NDUFAF6: variants seen among roughly 807,000 people sequenced by gnomAD.
NDUFAF6 encodes NADH dehydrogenase (ubiquinone) complex I, assembly factor 6.
Under a neutral mutation model 40.8 loss-of-function variants are expected in NDUFAF6, and 45 were observed. The observed-to-expected ratio is 1.10, with a 90% CI of 0.87 to 1.42. The LOEUF is 1.42. NDUFAF6 is among the 40% of genes most tolerant of loss of function. The pLI, the probability that NDUFAF6 is intolerant of heterozygous loss-of-function variation, is 0.00. For missense variants in NDUFAF6, 435 were observed against 418.5 expected (o/e 1.04, Z -0.34); for synonymous variants, 185 against 155.9 (o/e 1.19, Z -1.39).
chr8:94,939,061 A>C (rs775858888), intron 1 of NDUFAF6, among the ~76,000 whole-genome samples: 2 of 152,036 alleles, frequency 1.3e-5, no homozygotes, highest in East Asian at 1.9e-4. Flanking sequence ...TGTGGAAAAA[A>C]CCCACACATC....
intron 2 of NDUFAF6, among the ~76,000 whole-genome samples, chr8:95,082,848 G>T (rs1268946614): frequency 1.3e-5 from 2 of 152,122 alleles, no homozygotes; most frequent in African/African-American, 4.8e-5. Context: ...TTTTAGTAGA[G>T]ACGGGGTTTC....
At chr8:94,966,587 T>G (rs1563754964) in intron 1 of NDUFAF6, among the ~76,000 whole-genome samples, 1 of 152,096 alleles carries the variant, frequency 6.6e-6, no homozygotes, top group Non-Finnish European at 1.5e-5. Flanking sequence ...GAGTGAGACC[T>G]TGTCTCTAAA....
upstream of NDUFAF6, among the ~76,000 whole-genome samples, chr8:95,099,590 A>G (rs945204938): frequency 2.0e-5 from 3 of 152,120 alleles, no homozygotes; most frequent in Admixed American, 2.0e-4. Flanking sequence ...AAAATTAAAA[A>G]AAAAGAAAAA....
At chr8:94,930,268 A>T in intron 1 of NDUFAF6, 1 of 594,610 alleles carries the variant, frequency 1.7e-6, no homozygotes, top group African/African-American at 1.9e-5. Flanking sequence ...AATCTGAAAA[A>T]GTGTACAAAA....
chr8:95,090,374 G>A (rs1809207892), intron 2 of NDUFAF6, among the ~76,000 whole-genome samples: 1 of 152,124 alleles, frequency 6.6e-6, no homozygotes, highest in African/African-American at 2.4e-5. Context: ...TTTAGTTCAT[G>A]GCCTGAGCTC....
intron 9 of NDUFAF6, among the ~76,000 whole-genome samples, chr8:95,065,665 C>T (rs1832685546): frequency 6.6e-6 from 1 of 152,070 alleles, no homozygotes; most frequent in South Asian, 2.1e-4. Context: ...TCTACCTTTC[C>T]TTTAATAACC....
At chr8:95,105,736 C>T (rs530380398), downstream of NDUFAF6, among the ~76,000 whole-genome samples, 9 of 152,132 alleles carry the variant, frequency 5.9e-5, no homozygotes, top group East Asian at 7.8e-4. Flanking sequence ...CTCCTGATCA[C>T]GTGATCTGCC....
At chr8:94,962,852 G>A (rs7835379) in intron 1 of NDUFAF6, among the ~76,000 whole-genome samples, 98,102 of 150,270 alleles carry the variant, frequency 0.65, 32,811 homozygotes, top group East Asian at 0.79. Flanking sequence ...ATGCAGTGAC[G>A]TGATCTCAGC....
chr8:95,083,866 A>G (rs894315829), intron 2 of NDUFAF6, among the ~76,000 whole-genome samples: 1 of 152,242 alleles, frequency 6.6e-6, no homozygotes, highest in African/African-American at 2.4e-5. Context: ...ACCTACATTC[A>G]TAAATAAAGA....
intron 2 of NDUFAF6, among the ~76,000 whole-genome samples, chr8:94,984,821 G>A (rs1041593719): frequency 6.6e-6 from 1 of 152,188 alleles, no homozygotes; most frequent in Non-Finnish European, 1.5e-5. Context: ...ACATTACAGT[G>A]TTTGTGATGG....
intron 2 of NDUFAF6, among the ~76,000 whole-genome samples, chr8:95,032,520 C>G (rs1828977206): frequency 6.6e-6 from 1 of 152,148 alleles, no homozygotes; most frequent in African/African-American, 2.4e-5. Flanking sequence ...TTGTAGCAAA[C>G]CAGGACCTTA....
chr8:95,035,628 A>G lies in NDUFAF6; in HGVS notation c.420+52A>G, dbSNP rs746666463. 3.9e-6 allele frequency: 6 copies of G among 1,545,868 alleles called. No individual in the cohort carries two copies. The Admixed American group carries it at 5.2e-5, about 13-fold the overall frequency. On this transcript the variant is annotated intron_variant, in intron 3 of 8. Transcript: ENST00000396124. ...ATTTGTATGAATATTATTCGAGTCTACTTTTTGATGGATATAATTTGGGTA... is the reference window on the plus strand; with the variant it reads ...ATTTGTATGAATATTATTCGAGTCTGCTTTTTGATGGATATAATTTGGGTA...
At chr8:95,045,198 G>A (rs1314530918) in intron 4 of NDUFAF6, among the ~76,000 whole-genome samples, 1 of 152,128 alleles carries the variant, frequency 6.6e-6, no homozygotes, top group African/African-American at 2.4e-5. Context: ...TTTGGGTTAA[G>A]AAGATAATGT....
At chr8:94,905,164 C>T (rs1409293694) in intron 1 of NDUFAF6, among the ~76,000 whole-genome samples, 1 of 152,110 alleles carries the variant, frequency 6.6e-6, no homozygotes, top group Non-Finnish European at 1.5e-5. Flanking sequence ...TGCGGCATTG[C>T]ACTCTAGCCC....
At chr8:94,957,574 A>G (rs1823188206), upstream of NDUFAF6, among the ~76,000 whole-genome samples, 1 of 152,220 alleles carries the variant, frequency 6.6e-6, no homozygotes, top group South Asian at 2.1e-4. Flanking sequence ...GAGAAGCCAG[A>G]TACAATGAGA....
chr8:94,962,219 C>T (rs760140495), intron 1 of NDUFAF6, among the ~76,000 whole-genome samples: 1 of 152,214 alleles, frequency 6.6e-6, no homozygotes, highest in Non-Finnish European at 1.5e-5. Context: ...CCTTATGTTC[C>T]GCACATTAAA....
chr8:94,924,391 C>T (rs1214870788), intron 1 of NDUFAF6, among the ~76,000 whole-genome samples: 1 of 152,140 alleles, frequency 6.6e-6, no homozygotes, highest in Non-Finnish European at 1.5e-5. Context: ...GCTGCATTGA[C>T]CTCTATTGTG....
rs1020698344 is a variant in NDUFAF6, at chr8:94,948,782, G to T, written c.-799+3163G>T. 9.9e-5 allele frequency among the ~76,000 whole-genome samples: 15 copies of T among 152,234 alleles called. No individual in the cohort carries two copies. The East Asian group carries it at 2.7e-3, about 28-fold the overall frequency. ...AGGAGGAGTGGAGGGGAGTGAGGAG[G>T]GGTGAGAGGAGGAGGTCCCGCCGCG... On this transcript the variant is annotated intron_variant, in intron 2 of 14. Transcript: ENST00000396113.
intron 2 of NDUFAF6, among the ~76,000 whole-genome samples, chr8:95,010,536 GT>G (rs563294859): frequency 1.9e-4 from 29 of 152,228 alleles, no homozygotes; most frequent in East Asian, 5.8e-4. Context: ...TATTTATAGG[GT>G]TTCCCCCCTT....
Sources: allele counts gnomAD v4.1 joint callset (sites outside exome capture counted in the v4.1 genomes callset), GRCh38; gene constraint gnomAD v4.1.1; transcripts MANE v1.5; gene names NCBI Gene and HGNC (gene_info 2026-07-23, HGNC 2026-07-21).